The following LMAN2 variants were observed in gnomAD, a reference collection of about 807,000 sequenced individuals.
LMAN2 encodes the protein lectin, mannose binding 2.
Under a neutral mutation model 39.3 loss-of-function variants are expected in LMAN2, and 22 were observed. The ratio of observed to expected loss-of-function variants is 0.56; its 90% CI spans 0.40 to 0.80. LMAN2 has a LOEUF of 0.80. Ranked by LOEUF, LMAN2 falls within the 30% of genes least tolerant of loss-of-function variation. The probability of loss-of-function intolerance (pLI) is 0.00; values close to 1 mark genes in which losing one functional copy is unlikely to be tolerated. For missense variants in LMAN2, 494 were observed against 505.4 expected (o/e 0.98, Z 0.22); for synonymous variants, 207 against 207.8 (o/e 1.00, Z 0.03).
Position 177,333,376 on chromosome 5 carries a change from C to T in LMAN2, c.910+908G>A, listed in dbSNP as rs538746179. Among the ~76,000 whole-genome samples, 95 of 152,340 alleles carry T rather than the reference C, an allele frequency of 6.2e-4. No homozygotes were observed. In the South Asian group the frequency reaches 0.012, roughly 20 times the overall value. ...AGTTCATCCTGCCTTGCCAGCTGCA[C>T]GGGATGCTGGGTGGGCAAGGCAGGT... On this transcript the variant is annotated intron_variant, in intron 7 of 7. Coordinates refer to ENST00000303127, the MANE Select transcript of LMAN2 (RefSeq NM_006816.3).
chr5:177,346,952 A>G (rs943224683), intron 2 of LMAN2, among the ~76,000 whole-genome samples: 1 of 152,114 alleles, frequency 6.6e-6, no homozygotes, highest in Non-Finnish European at 1.5e-5. Context: ...AGTTTGACCT[A>G]AAGAACCTAC....
At chr5:177,344,215 C>G (rs887095084) in intron 2 of LMAN2, among the ~76,000 whole-genome samples, 1 of 150,910 alleles carries the variant, frequency 6.6e-6, no homozygotes, top group Non-Finnish European at 1.5e-5. Context: ...GAGACCCCCC[C>G]CATCTCTAAA....
rs546935226 is a variant in LMAN2 at position 177,347,582 on chromosome 5, G to A, written c.315+3591C>T. On this transcript the variant is annotated intron_variant, in intron 2 of 7. Transcript: ENST00000303127. Reference sequence around the variant, plus strand: ...TTCTTAACCCACAGCAAACCCACCTGGGGAGCTCAGAAAGCTTAATGCCTT... The same window carrying A: ...TTCTTAACCCACAGCAAACCCACCTAGGGAGCTCAGAAAGCTTAATGCCTT... Among the ~76,000 whole-genome samples the A allele has an allele frequency of 3.9e-5, 6 of 152,254 alleles. No individual in the cohort carries two copies. In the South Asian group the frequency reaches 1.2e-3, roughly 32 times the overall value.
intron 7 of LMAN2, among the ~76,000 whole-genome samples, chr5:177,333,888 G>T (rs904050940): frequency 2.0e-5 from 3 of 152,188 alleles, no homozygotes; most frequent in Admixed American, 6.5e-5. Flanking sequence ...AGGGACAGGT[G>T]GGCCAACATA....
At position 177,351,286 on chromosome 5, in the gene LMAN2, C is replaced by G; in HGVS notation, c.202G>C (p.Gly68Arg). 6.2e-7 allele frequency: 1 copy of G among 1,613,904 alleles called. No homozygotes were observed. The highest frequency in any genetic ancestry group is 2.2e-5 in the East Asian group (1 of 44,882). The change falls in exon 2 of 8, where the codon GGT becomes CGT. Residue 68 changes from glycine to arginine, a missense_variant. Physicochemically the swap from Gly to Arg is moderately radical, Grantham distance 125. Coordinates refer to ENST00000303127, the MANE Select transcript of LMAN2 (RefSeq NM_006816.3). ...TCCCAGAGGGGCATAGAGCTGGAAC[C>G]GACCCCTGTGGGAAGAGACAGGTGC... is the stretch of plus-strand genomic sequence containing the variant. ...HSLIKPYQGV[G>R]SSSMPLWDFQ...
At chr5:177,336,647 G>A (rs1257957658) in intron 6 of LMAN2, among the ~76,000 whole-genome samples, 1 of 152,160 alleles carries the variant, frequency 6.6e-6, no homozygotes, top group African/African-American at 2.4e-5. Flanking sequence ...GCAAATAGAG[G>A]GGCACAGGTG....
At chr5:177,339,952 C>G (rs1436827388) in intron 2 of LMAN2, among the ~76,000 whole-genome samples, 3 of 152,022 alleles carry the variant, frequency 2.0e-5, no homozygotes, top group Non-Finnish European at 4.4e-5. Flanking sequence ...GGCCGAGTCC[C>G]CGAGAGCACA....
intron 3 of LMAN2, 77 bp downstream of exon 3, chr5:177,338,411 A>G: frequency 5.0e-6 from 6 of 1,211,998 alleles, no homozygotes; most frequent in Non-Finnish European, 7.3e-6. Context: ...AGGCAGCCCC[A>G]CCCCACCTCC....
At chr5:177,350,710 T>C (rs1461538821) in intron 2 of LMAN2, among the ~76,000 whole-genome samples, 1 of 152,242 alleles carries the variant, frequency 6.6e-6, no homozygotes, top group East Asian at 1.9e-4. Flanking sequence ...AAGCCATCTA[T>C]TTCAAACAGC....
chr5:177,332,409 C>T lies in LMAN2; in HGVS notation c.911-163G>A. 1 of 648,408 alleles carries T rather than the reference C, an allele frequency of 1.5e-6. No individual in the cohort carries two copies. Among genetic ancestry groups the T allele is most frequent in the Non-Finnish European group, 2.6e-6 (1 of 378,518 alleles). The allele number at this position is 648,408 out of a possible 1,614,324, so 40.2% of individuals were successfully genotyped here. A position where few individuals can be genotyped will look rare whatever the true frequency, so the allele number is the denominator to read the frequency against. On this transcript the variant is annotated intron_variant, in intron 7 of 7. Transcript: ENST00000303127. The surrounding 1 kb of genome is among the most constrained non-coding windows in gnomAD (Gnocchi z 6.3). Reference sequence around the variant, plus strand: ...GGGCAGAGGTCAGGTGAAGCCCATCCCAGCCAGCTCTGCAGTCCCCAGGGC... The same window carrying T: ...GGGCAGAGGTCAGGTGAAGCCCATCTCAGCCAGCTCTGCAGTCCCCAGGGC...
chr5:177,338,892 TA>T (rs1216566103), intron 2 of LMAN2, among the ~76,000 whole-genome samples: 3 of 152,216 alleles, frequency 2.0e-5, no homozygotes, highest in Non-Finnish European at 2.9e-5. Context: ...TGAGTAGGTT[TA>T]GGTGGCTGCC....
chr5:177,331,590 A>C lies in LMAN2; in HGVS notation c.*496T>G, dbSNP rs960313957. 1.3e-5 allele frequency: 2 copies of C among 153,706 alleles called. No homozygotes were observed. The highest frequency in any genetic ancestry group is 4.8e-5 in the African/African-American group (2 of 41,500). The allele number at this position is 153,706 out of a possible 1,614,324, so 9.5% of individuals were successfully genotyped here. On this transcript the variant is annotated 3_prime_UTR_variant, in exon 8 of 8. Transcript: ENST00000303127. ...GGTTGGGTATTTCACTTTATTTAGC[A>C]AACGGTCACACTCGGCCCCACCACA... is the stretch of plus-strand genomic sequence containing the variant.
intron 1 of LMAN2, 66 bp downstream of exon 1, chr5:177,351,386 C>G (rs891375636): frequency 6.9e-6 from 11 of 1,601,734 alleles, no homozygotes; most frequent in Middle Eastern, 1.8e-4. Flanking sequence ...AGAAAGGGCA[C>G]GCCTTCCCCT....
rs565691523 is a variant in LMAN2, at chr5:177,332,360, GT to G, written c.911-115del. On this transcript the variant is annotated intron_variant, in intron 7 of 7. Transcript: ENST00000303127. The surrounding 1 kb of genome is among the most constrained non-coding windows in gnomAD (Gnocchi z 6.3). The stretch of plus-strand genomic sequence containing the variant: ...GCCGGCCACGGTGGGCAGGCCGGTC[GT>G]ACTCACCCCCCTCACCGGGGAGGGG... 2.5e-4 allele frequency: 241 copies of G among 954,800 alleles called. No individual in the cohort carries two copies. The African/African-American group carries it at 3.5e-3, about 14-fold the overall frequency. 59.1% of individuals were successfully genotyped at this position (954,800 alleles called of 1,614,324 possible).
intron 3 of LMAN2, among the ~76,000 whole-genome samples, chr5:177,338,112 G>C (rs1051760533): frequency 2.6e-5 from 4 of 152,076 alleles, no homozygotes; most frequent in African/African-American, 9.7e-5. Context: ...TCTATACTAG[G>C]GGCAGCAAAC....
chr5:177,338,679 G>A, intron 2 of LMAN2, 74 bp from the exon 3 acceptor site: 2 of 1,192,082 alleles, frequency 1.7e-6, no homozygotes, highest in Non-Finnish European at 2.5e-6. Context: ...CCCCAGCACG[G>A]CCCCTGCCCC....
chr5:177,341,609 C>T (rs1352174249), intron 2 of LMAN2, among the ~76,000 whole-genome samples: 1 of 152,082 alleles, frequency 6.6e-6, no homozygotes, highest in Non-Finnish European at 1.5e-5. Context: ...AAACAAAAAC[C>T]AAAAGAATTC....
Position 177,337,615 on chromosome 5 carries a change from G to A in LMAN2, c.513+91C>T. 2 of 1,605,422 alleles carry A rather than the reference G, an allele frequency of 1.2e-6. No individual in the cohort carries two copies. The highest frequency in any genetic ancestry group is 1.3e-5 in the African/African-American group (1 of 74,688). On this transcript the variant is annotated intron_variant, in intron 4 of 7. Coordinates refer to ENST00000303127, the MANE Select transcript of LMAN2 (RefSeq NM_006816.3). The surrounding 1 kb of genome is among the most constrained non-coding windows in gnomAD (Gnocchi z 8.2). ...ACCCCAATCCCTGGAGGCTCCTCTT[G>A]TGCTGGGACCATGGAAGTCCCAGGG...
Position 177,337,818 on chromosome 5 carries a change from A to G in LMAN2, c.434-33T>C. ...TATAAGCAGATGCTCTCAGAATGGGAGAAACAGGAGCCGTCCCATGGGTAC... is the reference window on the plus strand; with the variant it reads ...TATAAGCAGATGCTCTCAGAATGGGGGAAACAGGAGCCGTCCCATGGGTAC... On this transcript the variant is annotated intron_variant, in intron 3 of 7. Coordinates refer to ENST00000303127, the MANE Select transcript of LMAN2 (RefSeq NM_006816.3). This position sits in a 1 kb window ranked among gnomAD's most constrained non-coding sequence, Gnocchi z 8.2. The G allele has an allele frequency of 6.2e-7, 1 of 1,600,834 alleles. No homozygotes were observed. Among genetic ancestry groups the G allele is most frequent in the East Asian group, 2.2e-5 (1 of 44,756 alleles).
Sources: gnomAD v4.1 joint callset for allele counts (sites outside exome capture counted in the v4.1 genomes callset) on GRCh38, gnomAD v4.1.1 for gene constraint, Gnocchi (gnomAD v3.1) non-coding constraint, MANE v1.5 for transcripts, NCBI Gene and HGNC (gene_info 2026-07-23, HGNC 2026-07-21) for gene names.